Variants in PLAT observed in about 807,000 individuals in gnomAD.
PLAT encodes plasminogen activator, tissue type.
Under a neutral mutation model 74.9 loss-of-function variants are expected in PLAT, and 48 were observed. The ratio of observed to expected loss-of-function variants is 0.64; its 90% CI spans 0.51 to 0.82. The LOEUF (loss-of-function observed/expected upper bound fraction) is 0.82. Among genes scored for constraint, PLAT ranks in the 40% least tolerant of loss-of-function variants. The pLI is 0.00. For missense variants in PLAT, 673 were observed against 736.2 expected (o/e 0.91, Z 0.99); for synonymous variants, 307 against 294.4 (o/e 1.04, Z -0.44).
Position 42,204,683 on chromosome 8 carries a change from C to G in PLAT, c.-27+2811G>C, listed in dbSNP as rs188189785. Among the ~76,000 whole-genome samples the G allele has an allele frequency of 5.6e-3, 827 of 147,502 alleles. 6 individuals are homozygous for G. Among genetic ancestry groups the G allele is most frequent in the African/African-American group, 0.02 (786 of 39,794 alleles). On this transcript the variant is annotated intron_variant, in intron 1 of 13. Transcript: ENST00000220809. ...TGAGCCAAGATTGTGCCACTGCACC[C>G]CAGCCTGGTGAAAAAGCGAGACTCC...
rs777811623 is a variant in PLAT, at chr8:42,188,943, G to A, written c.244C>T (p.Pro82Ser). ...CAGCCTCAGTACATACTTTTGACAG[G>A]CACTGAGTGGCACTGTGCCCTGCCA... is the stretch of plus-strand genomic sequence containing the variant. ...NSGRAQCHSV[P>S]VKSCSEPRCF... Residue 82 changes from proline (P) to serine (S), a missense_variant, in exon 4 of 14, where the codon CCT (proline) becomes TCT (serine). Physicochemically the swap from Pro to Ser is moderately conservative, Grantham distance 74 (BLOSUM62 -1). Transcript: ENST00000220809. The A allele has an allele frequency of 4.3e-6, 7 of 1,613,134 alleles. No individual in the cohort carries two copies. The highest frequency in any genetic ancestry group is 5.9e-6 in the Non-Finnish European group (7 of 1,179,428).
chr8:42,202,441 C>T (rs1023869256), intron 1 of PLAT, among the ~76,000 whole-genome samples: 5 of 152,092 alleles, frequency 3.3e-5, no homozygotes, highest in East Asian at 1.9e-4. Context: ...CATCAAGAGT[C>T]CCATCTATGG....
rs1804915886 is a variant in PLAT, at chr8:42,175,116, A to G, written c.*877T>C. The stretch of plus-strand genomic sequence containing the variant: ...TGGAGCACCTAGCCCATTGCCTTGT[A>G]TGTTACAGGTGTTGTGTATATGTTA... On this transcript the variant is annotated 3_prime_UTR_variant, in exon 14 of 14. Transcript: ENST00000220809. The G allele has an allele frequency of 6.6e-6, 1 of 152,198 alleles. No homozygotes were observed. The highest frequency in any genetic ancestry group is 6.5e-5 in the Admixed American group (1 of 15,280). 9.4% of individuals were successfully genotyped at this position (152,198 alleles called of 1,614,324 possible).
At chr8:42,179,884 T>A in intron 12 of PLAT, 42 bp downstream of exon 12, 1 of 1,515,886 alleles carries the variant, frequency 6.6e-7, no homozygotes, top group Non-Finnish European at 8.9e-7. Flanking sequence ...CCTCCCCTGC[T>A]GTCCCGCAGA....
At chr8:42,206,117 T>C (rs1306494744) in intron 1 of PLAT, among the ~76,000 whole-genome samples, 1 of 152,140 alleles carries the variant, frequency 6.6e-6, no homozygotes, top group Admixed American at 6.6e-5. Flanking sequence ...ACGCGAGTCA[T>C]TGTGAAATAA....
At chr8:42,207,132 C>T (rs8178677) in intron 1 of PLAT, among the ~76,000 whole-genome samples, 148 of 152,240 alleles carry the variant, frequency 9.7e-4, no homozygotes, top group African/African-American at 3.3e-3. Flanking sequence ...CCAAGGCAGC[C>T]GATTTTGCTT....
intron 11 of PLAT, 46 bp from the exon 12 acceptor site, chr8:42,180,112 C>T (rs2020923): frequency 0.12 from 197,300 of 1,589,056 alleles, 13,230 homozygotes; most frequent in South Asian, 0.18. Context: ...GGCCGCGTCC[C>T]CGGGAGGGGA....
At chr8:42,183,049 G>A (rs1805314553) in intron 7 of PLAT, among the ~76,000 whole-genome samples, 159 bp from the exon 8 acceptor site, 1 of 152,180 alleles carries the variant, frequency 6.6e-6, no homozygotes, top group Non-Finnish European at 1.5e-5. Flanking sequence ...TTGTTGCCCA[G>A]GCTGGAGTGC....
intron 7 of PLAT, 159 bp downstream of exon 7, chr8:42,184,922 G>T (rs1805391951): frequency 1.9e-6 from 1 of 514,246 alleles, no homozygotes; most frequent in East Asian, 3.2e-5. Context: ...CCAAGCCCAG[G>T]CACAGACCTA....
chr8:42,186,458 G>A (rs1805461791), intron 6 of PLAT: 1 of 152,186 alleles, frequency 6.6e-6, no homozygotes, highest in South Asian at 2.1e-4. Flanking sequence ...TGGCCTGGAA[G>A]CCCTTGCTTC....
chr8:42,175,026 G>A lies in PLAT; in HGVS notation c.*967C>T, dbSNP rs1347437932. Among the ~76,000 whole-genome samples the A allele has an allele frequency of 6.6e-6, 1 of 152,046 alleles. No homozygotes were observed. The highest frequency in any genetic ancestry group is 1.5e-5 in the Non-Finnish European group (1 of 68,030). ...TTTGTGACCGGCTCCACTGTACCTTGGTACTTCTCTAAATGCCATATTAGC... is the reference window on the plus strand; with the variant it reads ...TTTGTGACCGGCTCCACTGTACCTTAGTACTTCTCTAAATGCCATATTAGC... On this transcript the variant is annotated 3_prime_UTR_variant, in exon 14 of 14. Transcript: ENST00000220809.
chr8:42,177,462 A>C (rs8178793), intron 13 of PLAT, among the ~76,000 whole-genome samples: 2,129 of 152,318 alleles, frequency 0.014, 52 homozygotes, highest in African/African-American at 0.049. Context: ...TTAATTACTC[A>C]AACGTTTCAG....
intron 1 of PLAT, among the ~76,000 whole-genome samples, chr8:42,203,988 TATATACACACAC>T (rs1806234872): frequency 1.6e-5 from 2 of 123,280 alleles, no homozygotes; most frequent in South Asian, 4.6e-4. Flanking sequence ...TATATATATA[TATATACACACAC>T]ACACACACAC....
chr8:42,187,122 T>A (rs1366240228), intron 6 of PLAT: 3 of 347,736 alleles, frequency 8.6e-6, no homozygotes, highest in East Asian at 8.7e-5. Context: ...CATCTATCTA[T>A]CACCTATCAT....
chr8:42,190,505 A>C lies in PLAT; in HGVS notation c.115+867T>G, dbSNP rs560903089. Among the ~76,000 whole-genome samples the C allele has an allele frequency of 3.9e-5, 6 of 152,340 alleles. No individual in the cohort carries two copies. The South Asian group carries it at 8.3e-4, about 21-fold the overall frequency. Reference sequence around the variant, plus strand: ...ACAACAACTTTACTTTCAATTAATTAAAGAAGTAGCACGTGCCCACTGTAA... The same window carrying C: ...ACAACAACTTTACTTTCAATTAATTCAAGAAGTAGCACGTGCCCACTGTAA... On this transcript the variant is annotated intron_variant, in intron 3 of 13. Coordinates refer to ENST00000220809, the MANE Select transcript of PLAT (RefSeq NM_000930.5).
chr8:42,202,095 C>G (rs1478711777), intron 1 of PLAT, among the ~76,000 whole-genome samples: 1 of 152,166 alleles, frequency 6.6e-6, no homozygotes, highest in African/African-American at 2.4e-5. Context: ...TCACAGCTCA[C>G]TGCAGTTTCA....
intron 1 of PLAT, among the ~76,000 whole-genome samples, chr8:42,203,185 G>A (rs1345382376): frequency 1.3e-5 from 2 of 152,202 alleles, no homozygotes; most frequent in Admixed American, 6.5e-5. Flanking sequence ...CAGGTCTCCT[G>A]GTATCTGGGT....
intron 4 of PLAT, chr8:42,188,328 T>A (rs1053857769): frequency 7.5e-6 from 2 of 265,298 alleles, no homozygotes; most frequent in Non-Finnish European, 1.4e-5. Flanking sequence ...TGTTGTACAG[T>A]CTACAAAAAT....
At chr8:42,181,562 C>T (rs555027465) in intron 9 of PLAT, among the ~76,000 whole-genome samples, 3 of 152,194 alleles carry the variant, frequency 2.0e-5, no homozygotes, top group Non-Finnish European at 2.9e-5. Context: ...ACCTCCACCA[C>T]GCTGTTGGAC....
Sources: gnomAD v4.1 joint callset for allele counts (sites outside exome capture counted in the v4.1 genomes callset) on GRCh38, gnomAD v4.1.1 for gene constraint, MANE v1.5 for transcripts, NCBI Gene and HGNC (gene_info 2026-07-23, HGNC 2026-07-21) for gene names.